ERBB4: variants seen among roughly 807,000 people sequenced by gnomAD.
ERBB4 encodes erb-b2 receptor tyrosine kinase 4, also known as receptor tyrosine-protein kinase erbB-4.
Under a neutral mutation model 158.0 loss-of-function variants are expected in ERBB4, and 42 were observed. The ratio of observed to expected loss-of-function variants is 0.27; its 90% confidence interval spans 0.21 to 0.34. The LOEUF is 0.34. ERBB4 is among the 10% of genes least tolerant of loss of function. The pLI is 1.00. For missense variants in ERBB4, 1,333 were observed against 1,624.1 expected, an observed-to-expected ratio of 0.82 and a Z score of 3.08; for synonymous variants, 583 against 558.7, an observed-to-expected ratio of 1.04 and a Z score of -0.61.
chr2:212,408,072 TTTTATTTATTTTTA>T (rs1574862565), intron 1 of ERBB4, among the ~76,000 whole-genome samples: 1 of 152,032 alleles, frequency 6.6e-6, no homozygotes, highest in East Asian at 1.9e-4. Flanking sequence ...AACATTTTAT[TTTTATTTATTTTTA>T]TTTATTTATT....
At chr2:211,587,369 T>C (rs1473846856) in intron 19 of ERBB4, among the ~76,000 whole-genome samples, 1 of 151,922 alleles carries the variant, frequency 6.6e-6, no homozygotes, top group African/African-American at 2.4e-5. Flanking sequence ...AATAAAAAGA[T>C]GAGACACGCT....
At chr2:211,665,092 TGAA>T (rs2071577374) in intron 15 of ERBB4, among the ~76,000 whole-genome samples, 1 of 152,184 alleles carries the variant, frequency 6.6e-6, no homozygotes, top group Non-Finnish European at 1.5e-5. Context: ...GCTAGCTTCA[TGAA>T]GGTGTTAATA....
At chr2:212,005,090 A>G (rs2076228395) in intron 2 of ERBB4, among the ~76,000 whole-genome samples, 1 of 152,218 alleles carries the variant, frequency 6.6e-6, no homozygotes. Context: ...GAGAAATAAA[A>G]TGATTTCCAC....
chr2:212,123,809 C>G (rs1221642830), intron 2 of ERBB4, among the ~76,000 whole-genome samples: 1 of 152,124 alleles, frequency 6.6e-6, no homozygotes, highest in Admixed American at 6.6e-5. Flanking sequence ...TCATAGATCT[C>G]TAAATAATTT....
chr2:211,963,807 T>C (rs2081245417), intron 2 of ERBB4, among the ~76,000 whole-genome samples: 1 of 152,196 alleles, frequency 6.6e-6, no homozygotes, highest in South Asian at 2.1e-4. Flanking sequence ...AAGTCAGTCA[T>C]TTCCTTTATA....
At chr2:212,041,352 A>G (rs560785346) in intron 2 of ERBB4, among the ~76,000 whole-genome samples, 2 of 151,732 alleles carry the variant, frequency 1.3e-5, no homozygotes, top group South Asian at 4.2e-4. Flanking sequence ...TATAAAAAAA[A>G]TTCAGGTTAC....
chr2:211,420,349 A>T, intron 25 of ERBB4, 92 bp downstream of exon 25: 1 of 890,362 alleles, frequency 1.1e-6, no homozygotes, highest in Non-Finnish European at 1.8e-6. Context: ...GATTTGAGCT[A>T]TATAATTATT....
chr2:211,498,602 T>C (rs1185189739), intron 20 of ERBB4, among the ~76,000 whole-genome samples: 1 of 152,116 alleles, frequency 6.6e-6, no homozygotes, highest in East Asian at 1.9e-4. Context: ...TTTTCAAACA[T>C]CATAAGGAGT....
At chr2:211,664,306 C>A (rs1360998221) in intron 15 of ERBB4, among the ~76,000 whole-genome samples, 2 of 151,668 alleles carry the variant, frequency 1.3e-5, no homozygotes, top group African/African-American at 4.8e-5. Flanking sequence ...ATAAAGTACC[C>A]AAGCTGATTC....
At chr2:211,853,057 T>C (rs977418999) in intron 3 of ERBB4, among the ~76,000 whole-genome samples, 1 of 152,016 alleles carries the variant, frequency 6.6e-6, no homozygotes, top group Non-Finnish European at 1.5e-5. Context: ...TTTGCTGTCA[T>C]CCCTTTCTGT....
In ERBB4 at chr2:211,550,416, T is replaced by C. The variant is rs538554331; in HGVS notation, c.2487+11487A>G. On this transcript the variant is annotated intron_variant, in intron 20 of 27. Coordinates refer to ENST00000342788, the MANE Select transcript of ERBB4 (RefSeq NM_005235.3). Reference sequence around the variant, plus strand: ...TCCTTAAATCTGATATATCTGACCATACTTATTTCTGATTAACATGAGGAA... The same window carrying C: ...TCCTTAAATCTGATATATCTGACCACACTTATTTCTGATTAACATGAGGAA... Among the ~76,000 whole-genome samples, 127 of 151,696 alleles carry C rather than the reference T, an allele frequency of 8.4e-4. 1 individual carries two copies. The highest frequency in any genetic ancestry group is 1.5e-3 in the Non-Finnish European group (105 of 67,938).
chr2:211,453,675 C>T (rs560336996), intron 20 of ERBB4, among the ~76,000 whole-genome samples: 13 of 152,218 alleles, frequency 8.5e-5, no homozygotes, highest in African/African-American at 3.1e-4. Flanking sequence ...ATACTATTAT[C>T]TCATTCACAA....
chr2:211,506,585 A>G (rs2065756816), intron 20 of ERBB4, among the ~76,000 whole-genome samples: 1 of 152,164 alleles, frequency 6.6e-6, no homozygotes, highest in South Asian at 2.1e-4. Flanking sequence ...GAACAGAATT[A>G]GAACTGAATA....
Position 211,825,758 on chromosome 2 carries a change from T to TTA in ERBB4, c.422-37601_422-37600dup, listed in dbSNP as rs139052329. 2.4e-4 allele frequency among the ~76,000 whole-genome samples: 36 copies of TTA among 147,586 alleles called. 1 individual carries two copies. Among genetic ancestry groups the TTA allele is most frequent in the African/African-American group, 8.1e-4 (33 of 40,734 alleles). Reference sequence around the variant, plus strand: ...TGGTAGAAATGTAATATATTTGTCATTATATATATATTATATATTATTAAT... The same window carrying TTA: ...TGGTAGAAATGTAATATATTTGTCATTATATATATATATTATATATTATTAAT... On this transcript the variant is annotated intron_variant, in intron 3 of 27. Transcript: ENST00000342788.
chr2:211,392,148 ACT>A (rs1199672236), intron 25 of ERBB4, among the ~76,000 whole-genome samples: 1 of 152,154 alleles, frequency 6.6e-6, no homozygotes, highest in Non-Finnish European at 1.5e-5. Flanking sequence ...TCTGCTTAAC[ACT>A]CTGATGAGCA....
chr2:212,442,756 G>A (rs954221858), intron 1 of ERBB4, among the ~76,000 whole-genome samples: 1 of 152,146 alleles, frequency 6.6e-6, no homozygotes, highest in African/African-American at 2.4e-5. Flanking sequence ...GGCCATTATG[G>A]TGGGAAAGGC....
intron 2 of ERBB4, among the ~76,000 whole-genome samples, chr2:211,989,546 A>C (rs2082019350): frequency 6.6e-6 from 1 of 151,874 alleles, no homozygotes; most frequent in Non-Finnish European, 1.5e-5. Context: ...AAAGGTAAAA[A>C]TCCTTTTTCT....
intron 1 of ERBB4, among the ~76,000 whole-genome samples, chr2:212,455,382 T>C (rs1438760726): frequency 7.9e-6 from 1 of 126,746 alleles, no homozygotes; most frequent in Admixed American, 7.7e-5. Flanking sequence ...TCAGTGTCAG[T>C]AGCAGCCTCT....
intron 20 of ERBB4, among the ~76,000 whole-genome samples, chr2:211,495,893 A>G (rs961244390): frequency 2.0e-5 from 3 of 152,046 alleles, no homozygotes; most frequent in African/African-American, 7.2e-5. Flanking sequence ...TTTATATCTT[A>G]AAGAGAAACC....
Sources: allele counts gnomAD v4.1 joint callset (sites outside exome capture counted in the v4.1 genomes callset), GRCh38; gene constraint gnomAD v4.1.1; transcripts MANE v1.5; gene names NCBI Gene and HGNC (gene_info 2026-07-23, HGNC 2026-07-21).